Variants in PXDNL observed in about 807,000 individuals in gnomAD.
PXDNL encodes peroxidasin like.
Under a neutral mutation model 150.8 loss-of-function variants are expected in PXDNL, and 145 were observed. That is an observed-to-expected ratio of 0.96 (90% CI 0.84 to 1.10). The LOEUF is 1.10. PXDNL is among the 50% of genes least tolerant of loss of function. The probability of loss-of-function intolerance (pLI) is 0.00; values close to 1 mark genes in which losing one functional copy is unlikely to be tolerated. For synonymous variants in PXDNL, 757 were observed against 725.7 expected (o/e 1.04, Z -0.69); for missense variants, 2,087 against 1,873.9 (o/e 1.11, Z -2.10).
intron 3 of PXDNL, among the ~76,000 whole-genome samples, chr8:51,589,473 G>C (rs1009629950): frequency 6.6e-6 from 1 of 152,182 alleles, no homozygotes; most frequent in Non-Finnish European, 1.5e-5. Context: ...GAATGTCTTA[G>C]ATATTAAGCG....
intron 3 of PXDNL, among the ~76,000 whole-genome samples, chr8:51,591,457 A>C (rs931311608): frequency 2.0e-5 from 3 of 151,628 alleles, no homozygotes; most frequent in African/African-American, 7.3e-5. Context: ...CCTGGGTTTA[A>C]CAGGAATTTC....
At chr8:51,494,790 G>A (rs1477861911) in intron 5 of PXDNL, among the ~76,000 whole-genome samples, 2 of 151,864 alleles carry the variant, frequency 1.3e-5, no homozygotes, top group South Asian at 2.1e-4. Flanking sequence ...CAAGTACTTA[G>A]AGACCTACAA....
chr8:51,431,751 G>C lies in PXDNL; in HGVS notation c.1526-4993C>G, dbSNP rs550253203. ...CTAAATTAGTTCATTAATAACCATG[G>C]ACTCTACATCTTAGGTCCACGCTCA... is the stretch of plus-strand genomic sequence containing the variant. On this transcript the variant is annotated intron_variant, in intron 12 of 22. Transcript: ENST00000356297. Among the ~76,000 whole-genome samples, 5 of 152,182 alleles carry C rather than the reference G, an allele frequency of 3.3e-5. No homozygotes were observed. The South Asian group carries it at 1.0e-3, about 32-fold the overall frequency.
chr8:51,431,756 T>A (rs1040534312), intron 12 of PXDNL, among the ~76,000 whole-genome samples: 8 of 152,220 alleles, frequency 5.3e-5, no homozygotes, highest in Non-Finnish European at 1.2e-4. Flanking sequence ...CCATGGACTC[T>A]ACATCTTAGG....
chr8:51,654,717 A>G lies in PXDNL; in HGVS notation c.208T>C (p.Phe70Leu), dbSNP rs780325506. Residue 70 changes from phenylalanine (F) to leucine (L), a missense_variant, in exon 2 of 23, where the codon TTC becomes CTC. Transcript: ENST00000356297. ...GTGTTCAAATTCTTGAGTTTCTTGA[A>G]GGCGCTCCCTGGAATTTCTCTTATT... ...NRIREIPGSA[F>L]KKLKNLNTLL... The G allele has an allele frequency of 2.0e-5, 33 of 1,613,322 alleles. No homozygotes were observed. The highest frequency in any genetic ancestry group is 1.3e-4 in the African/African-American group (10 of 74,926).
At chr8:51,382,208 C>G (rs1202209337) in intron 17 of PXDNL, among the ~76,000 whole-genome samples, 1 of 152,070 alleles carries the variant, frequency 6.6e-6, no homozygotes, top group Non-Finnish European at 1.5e-5. Flanking sequence ...ACAGCAGAGG[C>G]AGGGACTGAG....
intron 2 of PXDNL, among the ~76,000 whole-genome samples, chr8:51,599,106 C>T (rs1027563761): frequency 2.6e-5 from 4 of 151,974 alleles, no homozygotes; most frequent in Non-Finnish European, 5.9e-5. Context: ...TCTCATTGTG[C>T]TAATTTGGAT....
chr8:51,517,776 T>C (rs1167718859), intron 4 of PXDNL, among the ~76,000 whole-genome samples: 1 of 152,246 alleles, frequency 6.6e-6, no homozygotes, highest in Non-Finnish European at 1.5e-5. Flanking sequence ...TAGTACATTG[T>C]AACTGTTGCT....
chr8:51,330,341 AAC>A (rs1805644711), intron 21 of PXDNL, among the ~76,000 whole-genome samples: 1 of 152,194 alleles, frequency 6.6e-6, no homozygotes, highest in Non-Finnish European at 1.5e-5. Flanking sequence ...GCAAAGAAAA[AAC>A]TGAGAATGGA....
chr8:51,734,447 G>T (rs1439461821), intron 1 of PXDNL, among the ~76,000 whole-genome samples: 1 of 152,158 alleles, frequency 6.6e-6, no homozygotes, highest in Non-Finnish European at 1.5e-5. Context: ...TGATAGTTGG[G>T]TTCTGAAACG....
At chr8:51,502,514 C>G (rs901899821) in intron 4 of PXDNL, among the ~76,000 whole-genome samples, 1 of 152,078 alleles carries the variant, frequency 6.6e-6, no homozygotes, top group African/African-American at 2.4e-5. Context: ...CTGTGGGGTT[C>G]TTAACTGGAG....
intron 3 of PXDNL, among the ~76,000 whole-genome samples, chr8:51,587,079 G>A (rs757379031): frequency 1.1e-4 from 16 of 152,240 alleles, no homozygotes; most frequent in African/African-American, 1.9e-4. Flanking sequence ...TTGTATTACA[G>A]TGATTTGATA....
chr8:51,692,069 T>C (rs1816012939), intron 1 of PXDNL, among the ~76,000 whole-genome samples: 1 of 152,202 alleles, frequency 6.6e-6, no homozygotes, highest in Non-Finnish European at 1.5e-5. Context: ...AGGTCTGTAA[T>C]ATAAGCCATC....
Position 51,408,420 on chromosome 8 carries a change from A to G in PXDNL, c.3204T>C (p.Asn1068=). The G allele has an allele frequency of 1.2e-6, 2 of 1,614,050 alleles. No homozygotes were observed. The highest frequency in any genetic ancestry group is 1.7e-6 in the Non-Finnish European group (2 of 1,179,882). Residue 1068 remains asparagine (N), a synonymous_variant, in exon 17 of 23, where the codon AAT becomes AAC. Coordinates refer to ENST00000356297, the MANE Select transcript of PXDNL (RefSeq NM_144651.5). ...TLINPILYRL[N]ATLGEISEGH... ...CTTCGGAAATTTCACCTAAGGTGGC[A>G]TTCAGTCGGTAAAGAATAGGATTGA...
chr8:51,533,960 G>A (rs1811979977), intron 4 of PXDNL, among the ~76,000 whole-genome samples: 2 of 150,752 alleles, frequency 1.3e-5, no homozygotes, highest in East Asian at 4.0e-4. Context: ...TCTGGGATAC[G>A]AGGAGCCTCT....
At chr8:51,370,955 T>C (rs1256909079) in intron 19 of PXDNL, among the ~76,000 whole-genome samples, 1 of 152,168 alleles carries the variant, frequency 6.6e-6, no homozygotes, top group Non-Finnish European at 1.5e-5. Context: ...AACAAATCTC[T>C]AGTACTACTT....
chr8:51,603,052 T>A (rs1430485535), intron 2 of PXDNL, among the ~76,000 whole-genome samples: 1 of 151,852 alleles, frequency 6.6e-6, no homozygotes, highest in Non-Finnish European at 1.5e-5. Context: ...TTACTATTGA[T>A]TGATATATTT....
At chr8:51,718,925 G>A (rs1039474702) in intron 1 of PXDNL, among the ~76,000 whole-genome samples, 8 of 152,004 alleles carry the variant, frequency 5.3e-5, no homozygotes, top group African/African-American at 9.7e-5. Context: ...CCAGCCAGCC[G>A]CCCCGTCCGG....
At chr8:51,435,728 G>T (rs996514104) in intron 12 of PXDNL, 1 of 354,844 alleles carries the variant, frequency 2.8e-6, no homozygotes, top group African/African-American at 2.2e-5. Context: ...GGAAGAAGAA[G>T]ATAGAGACTG....
Sources: gnomAD v4.1 joint callset for allele counts (sites outside exome capture counted in the v4.1 genomes callset) on GRCh38, gnomAD v4.1.1 for gene constraint, MANE v1.5 for transcripts, NCBI Gene and HGNC (gene_info 2026-07-23, HGNC 2026-07-21) for gene names.